The following HGSNAT variants were observed in gnomAD, a reference collection of about 807,000 sequenced individuals.
HGSNAT encodes the protein transmembrane protein 76.
HGSNAT carries 59 observed loss-of-function variants against 85.2 expected under a neutral mutation model. The ratio of observed to expected loss-of-function variants is 0.69; its 90% CI spans 0.56 to 0.86. The LOEUF is 0.86. Ranked by LOEUF, HGSNAT falls within the 40% of genes least tolerant of loss-of-function variation. The probability of loss-of-function intolerance (pLI) is 0.00; values close to 1 mark genes in which losing one functional copy is unlikely to be tolerated. For synonymous variants in HGSNAT, 321 were observed against 304.5 expected, an observed-to-expected ratio of 1.05 and a Z score of -0.56; for missense variants, 756 against 777.1, an observed-to-expected ratio of 0.97 and a Z score of 0.32.
intron 1 of HGSNAT, among the ~76,000 whole-genome samples, chr8:43,146,078 C>T (rs1296681727): frequency 6.6e-6 from 1 of 152,090 alleles, no homozygotes; most frequent in Non-Finnish European, 1.5e-5. Context: ...GAATGTGCGT[C>T]ATCTTTCTGT....
At chr8:43,159,449 C>T (rs1225395604) in intron 4 of HGSNAT, among the ~76,000 whole-genome samples, 1 of 151,916 alleles carries the variant, frequency 6.6e-6, no homozygotes, top group Non-Finnish European at 1.5e-5. Context: ...TTAGCTGGGC[C>T]TGGCGATGCG....
chr8:43,148,747 C>T (rs1177486718), intron 2 of HGSNAT, among the ~76,000 whole-genome samples: 16 of 147,808 alleles, frequency 1.1e-4, no homozygotes, highest in Non-Finnish European at 1.9e-4. Flanking sequence ...GAGCCGAGAT[C>T]GCACCATTGC....
intron 10 of HGSNAT, among the ~76,000 whole-genome samples, chr8:43,181,453 C>T (rs369308475): frequency 4.6e-5 from 7 of 151,934 alleles, no homozygotes; most frequent in Admixed American, 1.3e-4. Context: ...TTGCAACTGT[C>T]GTTAGCAGAA....
At chr8:43,181,219 G>C (rs1195699361) in intron 10 of HGSNAT, among the ~76,000 whole-genome samples, 1 of 120,006 alleles carries the variant, frequency 8.3e-6, no homozygotes, top group African/African-American at 3.3e-5. Context: ...GAGGGAGAGG[G>C]AGAGGGAGAG....
chr8:43,141,772 C>T (rs897843001), intron 1 of HGSNAT, among the ~76,000 whole-genome samples: 5 of 152,114 alleles, frequency 3.3e-5, no homozygotes, highest in Admixed American at 6.5e-5. Context: ...CCTTCATCTC[C>T]TGCGCTCCCC....
intron 4 of HGSNAT, among the ~76,000 whole-genome samples, chr8:43,159,433 C>A (rs1803198915): frequency 6.6e-6 from 1 of 151,912 alleles, no homozygotes; most frequent in Non-Finnish European, 1.5e-5. Flanking sequence ...ACAAAAAATA[C>A]AAAAATTAGC....
At chr8:43,197,603 G>A in intron 15 of HGSNAT, 69 bp from the exon 16 acceptor site, 1 of 1,055,088 alleles carries the variant, frequency 9.5e-7, no homozygotes, top group Non-Finnish European at 1.5e-6. Context: ...AATATATATT[G>A]GTGTTGAAAC....
At chr8:43,194,423 T>A (rs376472989) in intron 14 of HGSNAT, 9 of 985,450 alleles carry the variant, frequency 9.1e-6, no homozygotes, top group Non-Finnish European at 9.6e-6. Flanking sequence ...GTTTTCCTGA[T>A]GGAGTGTGCA....
intron 14 of HGSNAT, 175 bp from the exon 15 acceptor site, chr8:43,196,773 T>G: frequency 1.6e-6 from 1 of 616,576 alleles, no homozygotes; most frequent in Non-Finnish European, 2.9e-6. Flanking sequence ...TGCTCCTCTG[T>G]TAGTCTCCAC....
At chr8:43,170,560 C>T in intron 6 of HGSNAT, 25 bp from the exon 7 acceptor site, 2 of 1,509,062 alleles carry the variant, frequency 1.3e-6, no homozygotes, top group Non-Finnish European at 1.8e-6. Context: ...TATGAGTTGT[C>T]ATCTTTCTCC....
chr8:43,199,336 G>C, intron 17 of HGSNAT, 52 bp from the exon 18 acceptor site: 1 of 1,279,402 alleles, frequency 7.8e-7, no homozygotes, highest in Non-Finnish European at 1.1e-6. Context: ...TAGATGGTTA[G>C]ATGTGACTCA....
chr8:43,194,080 C>CT, intron 14 of HGSNAT: 1 of 1,282,776 alleles, frequency 7.8e-7, no homozygotes. Flanking sequence ...TATGGCTTAT[C>CT]TTAGCACGGC....
intron 5 of HGSNAT, among the ~76,000 whole-genome samples, chr8:43,165,332 TCTGACTGTTCCACCCA>T (rs1420781516): frequency 6.6e-6 from 1 of 152,172 alleles, no homozygotes; most frequent in African/African-American, 2.4e-5. Flanking sequence ...TTGAGTGTAT[TCTGACTGTTCCACCCA>T]CTGACTGTTC....
intron 5 of HGSNAT, among the ~76,000 whole-genome samples, chr8:43,163,787 A>T (rs568892126): frequency 6.6e-6 from 1 of 152,288 alleles, no homozygotes; most frequent in Non-Finnish European, 1.5e-5. Context: ...AAGTGCTGGG[A>T]TTACAGGCGT....
chr8:43,176,935 T>C (rs911399596), intron 9 of HGSNAT, among the ~76,000 whole-genome samples: 5 of 152,216 alleles, frequency 3.3e-5, no homozygotes, highest in African/African-American at 1.2e-4. Context: ...TCAGTTCTAA[T>C]AGTTTTCTGG....
intron 9 of HGSNAT, among the ~76,000 whole-genome samples, chr8:43,175,669 G>A (rs1160376203): frequency 6.8e-6 from 1 of 148,034 alleles, no homozygotes; most frequent in African/African-American, 2.5e-5. Context: ...GGGTTCCAGC[G>A]ATTCTTCTGC....
intron 11 of HGSNAT, among the ~76,000 whole-genome samples, chr8:43,188,487 C>T (rs1336911268): frequency 6.6e-6 from 1 of 152,212 alleles, no homozygotes; most frequent in Non-Finnish European, 1.5e-5. Context: ...CAGTTTTCAG[C>T]TCCATCAGGT....
At chr8:43,168,675 G>A (rs1803514139) in intron 5 of HGSNAT, among the ~76,000 whole-genome samples, 1 of 152,110 alleles carries the variant, frequency 6.6e-6, no homozygotes, top group South Asian at 2.1e-4. Context: ...GGGATTACAG[G>A]CAAGAGCCAC....
chr8:43,194,687 G>C (rs1331173112), intron 14 of HGSNAT: 1 of 203,898 alleles, frequency 4.9e-6, no homozygotes, highest in Non-Finnish European at 8.7e-6. Flanking sequence ...CCACCAGCTG[G>C]TGAAAGGGCA....
Sources: allele counts gnomAD v4.1 joint callset (sites outside exome capture counted in the v4.1 genomes callset), GRCh38; gene constraint gnomAD v4.1.1; transcripts MANE v1.5; gene names NCBI Gene and HGNC (gene_info 2026-07-23, HGNC 2026-07-21).